RBFOX1: variants seen among roughly 807,000 people sequenced by gnomAD.
The protein encoded by RBFOX1 is RNA binding fox-1 homolog 1.
Under a neutral mutation model 57.7 loss-of-function variants are expected in RBFOX1, and 8 were observed. That is an observed-to-expected ratio of 0.14 (90% confidence interval 0.08 to 0.25). The LOEUF (loss-of-function observed/expected upper bound fraction) is 0.25, where lower values mean the gene tolerates loss of function less well. Ranked by LOEUF, RBFOX1 falls within the 10% of genes least tolerant of loss-of-function variation. RBFOX1 has a pLI of 1.00. For synonymous variants in RBFOX1, 326 were observed against 222.4 expected (o/e 1.47, Z -4.15); for missense variants, 611 against 548.5 (o/e 1.11, Z -1.14).
At chr16:5,290,797 C>G (rs1265955396) in intron 1 of RBFOX1, among the ~76,000 whole-genome samples, 1 of 151,646 alleles carries the variant, frequency 6.6e-6, no homozygotes, top group Non-Finnish European at 1.5e-5. Context: ...CTCCCGAGTT[C>G]AAGTGATTTT....
At chr16:6,064,750 C>T (rs2095737653) in intron 1 of RBFOX1, among the ~76,000 whole-genome samples, 2 of 151,866 alleles carry the variant, frequency 1.3e-5, no homozygotes, top group African/African-American at 4.8e-5. Flanking sequence ...CCATATTAGC[C>T]AGGATGTATA....
intron 9 of RBFOX1, among the ~76,000 whole-genome samples, chr16:7,604,913 C>G (rs375301862): frequency 3.0e-4 from 45 of 152,134 alleles, no homozygotes; most frequent in African/African-American, 1.0e-3. Context: ...TCTCCACTAC[C>G]AATAAGAGGT....
intron 2 of RBFOX1, among the ~76,000 whole-genome samples, chr16:6,611,380 C>G (rs1373758871): frequency 6.6e-6 from 1 of 152,160 alleles, no homozygotes; most frequent in Non-Finnish European, 1.5e-5. Flanking sequence ...CTCCTGACCT[C>G]AGGTGATCCA....
chr16:6,165,273 A>T (rs1009914105), intron 1 of RBFOX1, among the ~76,000 whole-genome samples: 4 of 152,200 alleles, frequency 2.6e-5, no homozygotes, highest in African/African-American at 9.6e-5. Flanking sequence ...ACAGCTCATT[A>T]TCATTATTGT....
chr16:6,756,863 T>C (rs2075870407), intron 3 of RBFOX1, among the ~76,000 whole-genome samples: 1 of 151,960 alleles, frequency 6.6e-6, no homozygotes, highest in South Asian at 2.1e-4. Context: ...TAGTCACAGC[T>C]CCTTGGGAGG....
intron 4 of RBFOX1, among the ~76,000 whole-genome samples, chr16:7,205,372 GC>G (rs1567699288): frequency 1.3e-5 from 2 of 151,936 alleles, no homozygotes. Flanking sequence ...ACAAAAATTA[GC>G]TGGGTGTGGT....
intron 2 of RBFOX1, among the ~76,000 whole-genome samples, chr16:5,478,650 A>G (rs1210648721): frequency 6.6e-6 from 1 of 152,180 alleles, no homozygotes; most frequent in African/African-American, 2.4e-5. Context: ...GCATCTGCTT[A>G]TCTTTCCAGA....
chr16:7,710,473 T>C, intron 15 of RBFOX1, 150 bp from the exon 16 acceptor site: 2 of 1,511,422 alleles, frequency 1.3e-6, no homozygotes, highest in Non-Finnish European at 1.7e-6. Context: ...GGCCCTATCT[T>C]TAGTTCTCCA....
chr16:6,170,768 C>T (rs1307996137), intron 1 of RBFOX1, among the ~76,000 whole-genome samples: 2 of 152,092 alleles, frequency 1.3e-5, no homozygotes, highest in Non-Finnish European at 2.9e-5. Context: ...CAAGCAGGCC[C>T]CACTGTCTCT....
chr16:6,959,761 A>AC (rs1317082801), intron 3 of RBFOX1, among the ~76,000 whole-genome samples: 1 of 152,014 alleles, frequency 6.6e-6, no homozygotes, highest in Non-Finnish European at 1.5e-5. Flanking sequence ...ACATGGTGAA[A>AC]CCCCGTTTCT....
chr16:6,141,870 C>G (rs1302681731), intron 1 of RBFOX1, among the ~76,000 whole-genome samples: 1 of 151,814 alleles, frequency 6.6e-6, no homozygotes, highest in Non-Finnish European at 1.5e-5. Context: ...ACCAACCTGA[C>G]CAACATGGTG....
Position 6,829,472 on chromosome 16 carries a change from C to T in RBFOX1, c.-16+174822C>T, listed in dbSNP as rs113162391. 8.4e-4 allele frequency among the ~76,000 whole-genome samples: 109 copies of T among 129,212 alleles called. 1 individual carries two copies. Among genetic ancestry groups the T allele is most frequent in the African/African-American group, 3.5e-3 (105 of 30,342 alleles). 84.8% of individuals were successfully genotyped at this position (129,212 alleles called of 152,430 possible). ...GGTCTGTCCATGCAATGAAATACCA[C>T]TCAACCATTAAAAAAAAAAAAAACA... On this transcript the variant is annotated intron_variant, in intron 3 of 15. Transcript: ENST00000550418.
At chr16:6,790,912 C>CT (rs377546044) in intron 3 of RBFOX1, among the ~76,000 whole-genome samples, 1,588 of 146,000 alleles carry the variant, frequency 0.011, 17 homozygotes, top group African/African-American at 0.031. Context: ...TCCTGTTTAT[C>CT]TTTTTTTTTT....
chr16:5,998,669 G>A (rs773494289), intron 4 of RBFOX1, among the ~76,000 whole-genome samples: 12 of 152,148 alleles, frequency 7.9e-5, no homozygotes, highest in Non-Finnish European at 1.0e-4. Flanking sequence ...CTGGTGTGTT[G>A]TCGTCCCATC....
intron 3 of RBFOX1, among the ~76,000 whole-genome samples, chr16:6,918,395 T>G (rs2073732015): frequency 1.3e-5 from 2 of 152,080 alleles, no homozygotes; most frequent in Non-Finnish European, 2.9e-5. Flanking sequence ...CCCGGGTGAT[T>G]CTGGGGCCCA....
intron 3 of RBFOX1, among the ~76,000 whole-genome samples, chr16:5,621,886 A>T (rs967231400): frequency 1.3e-5 from 2 of 152,162 alleles, no homozygotes; most frequent in Non-Finnish European, 1.5e-5. Context: ...AGTAGTGATG[A>T]TGTCCATACC....
At chr16:5,514,837 A>G (rs1477497399) in intron 2 of RBFOX1, among the ~76,000 whole-genome samples, 1 of 152,112 alleles carries the variant, frequency 6.6e-6, no homozygotes, top group Non-Finnish European at 1.5e-5. Flanking sequence ...ATTTTCATTC[A>G]TTTTGTATTA....
chr16:7,443,462 T>C lies in RBFOX1; in HGVS notation c.28-74685T>C, dbSNP rs117069410. Among the ~76,000 whole-genome samples the C allele has an allele frequency of 7.6e-3, 1,150 of 150,938 alleles. 7 individuals are homozygous for C. Among genetic ancestry groups the C allele is most frequent in the Non-Finnish European group, 0.012 (805 of 67,746 alleles). The stretch of plus-strand genomic sequence containing the variant: ...TTCTTTGCCCCCTCCCCCTCTCTTA[T>C]AAGATTTCAGTTCAGCGTTTGACTG... On this transcript the variant is annotated intron_variant, in intron 4 of 15. Coordinates refer to ENST00000550418, the MANE Select transcript of RBFOX1 (RefSeq NM_018723.4).
intron 2 of RBFOX1, among the ~76,000 whole-genome samples, chr16:6,525,197 A>C (rs2096561835): frequency 6.6e-6 from 1 of 152,204 alleles, no homozygotes; most frequent in South Asian, 2.1e-4. Context: ...GCAAACAAGA[A>C]GATAAGAACA....
Sources: allele counts gnomAD v4.1 joint callset (sites outside exome capture counted in the v4.1 genomes callset), GRCh38; gene constraint gnomAD v4.1.1; transcripts MANE v1.5; gene names NCBI Gene and HGNC (gene_info 2026-07-23, HGNC 2026-07-21).